Variants in C3orf33 observed in about 807,000 individuals in gnomAD.
The protein encoded by C3orf33 is AP-1 activity suppressor.
A neutral mutation model predicts 28.7 loss-of-function variants in C3orf33; 23 were observed. The ratio of observed to expected loss-of-function variants is 0.80; its 90% CI spans 0.58 to 1.13. The LOEUF is 1.13. C3orf33 is among the 50% of genes most tolerant of loss of function. The probability of loss-of-function intolerance (pLI) is 0.00; values close to 1 mark genes in which losing one functional copy is unlikely to be tolerated. For missense variants in C3orf33, 327 were observed against 353.4 expected (o/e 0.93, Z 0.60); for synonymous variants, 119 against 120.5 (o/e 0.99, Z 0.08).
intron 1 of C3orf33, chr3:155,804,182 A>G: frequency 2.3e-6 from 1 of 432,310 alleles, no homozygotes. Flanking sequence ...GTCTAAAAAA[A>G]AAGAAAAAGG....
At chr3:155,777,788 G>A (rs1165194444) in intron 2 of C3orf33, among the ~76,000 whole-genome samples, 1 of 152,040 alleles carries the variant, frequency 6.6e-6, no homozygotes, top group Non-Finnish European at 1.5e-5. Context: ...TCAGATTATA[G>A]AACATATTAC....
chr3:155,793,968 G>T (rs1356075397), intron 2 of C3orf33, among the ~76,000 whole-genome samples: 1 of 147,712 alleles, frequency 6.8e-6, no homozygotes, highest in Non-Finnish European at 1.5e-5. Context: ...GTGTTAGTTT[G>T]CTTGGTGGTG....
chr3:155,788,564 C>T (rs1184363204), intron 2 of C3orf33, among the ~76,000 whole-genome samples: 1 of 151,824 alleles, frequency 6.6e-6, no homozygotes, highest in Non-Finnish European at 1.5e-5. Flanking sequence ...AGCCTGTAAT[C>T]CCAGCTACTC....
intron 2 of C3orf33, among the ~76,000 whole-genome samples, chr3:155,796,590 G>A (rs189946160): frequency 4.1e-4 from 63 of 152,150 alleles, no homozygotes; most frequent in Non-Finnish European, 6.9e-4. Flanking sequence ...TTTACCAAAC[G>A]TTTAAGAGAA....
intron 2 of C3orf33, among the ~76,000 whole-genome samples, chr3:155,800,000 T>G (rs1378848519): frequency 6.6e-6 from 1 of 152,178 alleles, no homozygotes; most frequent in Non-Finnish European, 1.5e-5. Flanking sequence ...AGATCTAGTA[T>G]TTGGTAGCAC....
intron 2 of C3orf33, among the ~76,000 whole-genome samples, chr3:155,779,479 G>C (rs1221985659): frequency 6.6e-6 from 1 of 152,132 alleles, no homozygotes; most frequent in Non-Finnish European, 1.5e-5. Flanking sequence ...ATTTTAAGTA[G>C]AGACAAGGTT....
At chr3:155,770,360 G>T (rs1012157198) in intron 3 of C3orf33, among the ~76,000 whole-genome samples, 7 of 152,304 alleles carry the variant, frequency 4.6e-5, no homozygotes, top group East Asian at 3.9e-4. Flanking sequence ...GCCAAGCAAG[G>T]TCCAGGCAGG....
At chr3:155,764,854 T>G (rs1460379225) in intron 4 of C3orf33, among the ~76,000 whole-genome samples, 1 of 152,122 alleles carries the variant, frequency 6.6e-6, no homozygotes, top group Non-Finnish European at 1.5e-5. Context: ...AGACTCCATC[T>G]CGGGAAAATA....
chr3:155,785,655 A>G (rs1447498733), intron 2 of C3orf33, among the ~76,000 whole-genome samples: 1 of 152,252 alleles, frequency 6.6e-6, no homozygotes. Context: ...AATAAAAATT[A>G]AAACACACCA....
rs10654812 is a variant in C3orf33, at chr3:155,776,759, C to CAAA, written c.175-914_175-912dup. Among the ~76,000 whole-genome samples, 110 of 86,884 alleles carry CAAA rather than the reference C, an allele frequency of 1.3e-3. 7 individuals are homozygous for CAAA. The highest frequency in any genetic ancestry group is 3.6e-3 in the African/African-American group (87 of 23,918). 57.0% of individuals were successfully genotyped at this position (86,884 alleles called of 152,430 possible). A position where few individuals can be genotyped will look rare whatever the true frequency, so the allele number is the denominator to read the frequency against. ...TGACAGAGCGAGAACCTGACTCTGT[C>CAAA]AAAAAAAAAAAAAAAAAAAAAAAAA... is the stretch of plus-strand genomic sequence containing the variant. On this transcript the variant is annotated intron_variant, in intron 2 of 4. Transcript: ENST00000340171.
intron 2 of C3orf33, among the ~76,000 whole-genome samples, chr3:155,790,541 G>A (rs1751283222): frequency 1.3e-5 from 2 of 152,166 alleles, no homozygotes; most frequent in African/African-American, 4.8e-5. Flanking sequence ...AATCAGGTGA[G>A]CAATCGTTTC....
At chr3:155,770,398 C>A (rs571755846) in intron 3 of C3orf33, among the ~76,000 whole-genome samples, 4 of 152,098 alleles carry the variant, frequency 2.6e-5, no homozygotes, top group African/African-American at 2.4e-5. Flanking sequence ...ATGTCTCTGG[C>A]GAAGCAGAGC....
At chr3:155,785,662 A>G (rs1751078097) in intron 2 of C3orf33, among the ~76,000 whole-genome samples, 1 of 152,216 alleles carries the variant, frequency 6.6e-6, no homozygotes, top group African/African-American at 2.4e-5. Flanking sequence ...ATTAAAACAC[A>G]CCATGCCAAA....
intron 2 of C3orf33, among the ~76,000 whole-genome samples, chr3:155,798,063 T>G (rs1210668684): frequency 7.5e-6 from 1 of 133,578 alleles, no homozygotes; most frequent in South Asian, 2.8e-4. Flanking sequence ...AGGGCAAGTG[T>G]CTGTCTCAAA....
intron 4 of C3orf33, among the ~76,000 whole-genome samples, chr3:155,766,091 C>T (rs752701916): frequency 1.3e-5 from 2 of 152,274 alleles, no homozygotes; most frequent in South Asian, 2.1e-4. Flanking sequence ...TACATTGGTG[C>T]GATCATAGCT....
rs183811812 is a variant in C3orf33, at chr3:155,769,771, G to A, written c.323-2102C>T. ...CCCAGGAAAATAGGGGCAGGTGCCC[G>A]GTGAAACCTGACCTTCAAACCAAAG... On this transcript the variant is annotated intron_variant, in intron 3 of 4. Coordinates refer to ENST00000340171, the MANE Select transcript of C3orf33 (RefSeq NM_001308229.2). Among the ~76,000 whole-genome samples the A allele has an allele frequency of 1.1e-3, 168 of 152,210 alleles. 2 individuals are homozygous for A. Among genetic ancestry groups the A allele is most frequent in the Middle Eastern group, 3.4e-3 (1 of 294 alleles).
intron 2 of C3orf33, among the ~76,000 whole-genome samples, chr3:155,802,247 T>C (rs1751670286): frequency 6.6e-6 from 1 of 152,184 alleles, no homozygotes; most frequent in Admixed American, 6.5e-5. Context: ...GAAATGCAAA[T>C]TTAGTGATTA....
chr3:155,806,235 C>T lies in C3orf33; in HGVS notation c.18G>A (p.Ala6=), dbSNP rs1473275679. The part of the protein sequence containing the change: MAGQP[A]ATGSPSADKD... ...TGTCGGCAGACGGCGAGCCGGTGGC[C>T]GCGGGCTGCCCCGCCATGTTCCCGG... The change falls in exon 1 of 5, where the codon GCG becomes GCA. Residue 6 remains alanine (A), a synonymous_variant. Coordinates refer to ENST00000340171, the MANE Select transcript of C3orf33 (RefSeq NM_001308229.2). 2 of 1,465,214 alleles carry T rather than the reference C, an allele frequency of 1.4e-6. No homozygotes were observed. Among genetic ancestry groups the T allele is most frequent in the Non-Finnish European group, 1.8e-6 (2 of 1,107,374 alleles). The allele number at this position is 1,465,214 out of a possible 1,614,324, so 90.8% of individuals were successfully genotyped here. A position where few individuals can be genotyped will look rare whatever the true frequency, so the allele number is the denominator to read the frequency against.
chr3:155,803,564 CA>C (rs63676264), intron 1 of C3orf33, among the ~76,000 whole-genome samples: 985 of 53,816 alleles, frequency 0.018, 10 homozygotes, highest in African/African-American at 0.077. Context: ...GACTCAGTCT[CA>C]AAAAAAAAAA....
Sources: gnomAD v4.1 joint callset for allele counts (sites outside exome capture counted in the v4.1 genomes callset) on GRCh38, gnomAD v4.1.1 for gene constraint, MANE v1.5 for transcripts, NCBI Gene and HGNC (gene_info 2026-07-23, HGNC 2026-07-21) for gene names.